Variants in CACNA2D1 observed in about 807,000 individuals in gnomAD.
The protein encoded by CACNA2D1 is calcium voltage-gated channel auxiliary subunit alpha2delta 1, also known as voltage-dependent calcium channel subunit alpha-2/delta-1.
CACNA2D1 carries 53 observed loss-of-function variants against 171.5 expected under a neutral mutation model. The observed-to-expected ratio is 0.31, with a 90% CI of 0.25 to 0.39. CACNA2D1 has a LOEUF of 0.39. Ranked by LOEUF, CACNA2D1 falls within the 10% of genes least tolerant of loss-of-function variation. The pLI is 1.00. For synonymous variants in CACNA2D1, 442 were observed against 443.1 expected, an observed-to-expected ratio of 1.00 and a Z score of 0.03; for missense variants, 903 against 1,299.8, an observed-to-expected ratio of 0.69 and a Z score of 4.69.
intron 28 of CACNA2D1, 32 bp downstream of exon 28, chr7:81,969,849 T>C: frequency 8.0e-7 from 1 of 1,257,130 alleles, no homozygotes; most frequent in Non-Finnish European, 1.2e-6. Context: ...TTTAAAAAAT[T>C]GAGAAAAGCT....
At chr7:82,333,044 T>C (rs570652341) in intron 3 of CACNA2D1, among the ~76,000 whole-genome samples, 1 of 152,230 alleles carries the variant, frequency 6.6e-6, no homozygotes, top group Non-Finnish European at 1.5e-5. Context: ...GCTCCAGCAT[T>C]ATATCTAACA....
At chr7:82,257,928 T>G (rs928943608) in intron 3 of CACNA2D1, among the ~76,000 whole-genome samples, 2 of 152,160 alleles carry the variant, frequency 1.3e-5, no homozygotes, top group Admixed American at 6.5e-5. Context: ...GCATAAACTT[T>G]GAGGCAGGAG....
intron 1 of CACNA2D1, among the ~76,000 whole-genome samples, chr7:82,416,202 G>A (rs544038320): frequency 2.4e-4 from 37 of 152,000 alleles, no homozygotes; most frequent in Admixed American, 4.6e-4. Context: ...GTAACAGCGC[G>A]AGACTCTGTC....
chr7:82,056,254 C>T (rs183592034), intron 10 of CACNA2D1, among the ~76,000 whole-genome samples: 1 of 151,924 alleles, frequency 6.6e-6, no homozygotes. Flanking sequence ...CTCATGGACT[C>T]CTATACAGTT....
At chr7:82,368,800 T>C (rs1439202526) in intron 1 of CACNA2D1, among the ~76,000 whole-genome samples, 2 of 152,146 alleles carry the variant, frequency 1.3e-5, no homozygotes, top group Non-Finnish European at 1.5e-5. Flanking sequence ...GGAGTCTCCA[T>C]AAACTAATCC....
At position 81,974,492 on chromosome 7, in the gene CACNA2D1, GT is replaced by G; in HGVS notation, c.2015del (p.Asn672ThrfsTer18). 6.4e-7 allele frequency: 1 copy of G among 1,572,310 alleles called. No homozygotes were observed. On this transcript the variant is annotated frameshift_variant, in exon 25 of 39. Coordinates refer to ENST00000356860, the MANE Select transcript of CACNA2D1 (RefSeq NM_000722.4). LOFTEE classifies it high-confidence loss of function. The part of the protein sequence containing the change: ...DNNTEFLLNF[N>X]EFIDRKTPNN... ...TTGGAGTTTTTCTATCAATAAACTC[GT>G]TGAAATTTAAAAGAAATTCAGTGTT...
intron 3 of CACNA2D1, among the ~76,000 whole-genome samples, chr7:82,260,194 G>T (rs151230121): frequency 1.4e-3 from 213 of 152,144 alleles, no homozygotes; most frequent in African/African-American, 4.8e-3. Context: ...TGCACTCCAG[G>T]CTGGGTAACA....
chr7:82,102,192 G>C (rs929173974), intron 6 of CACNA2D1, among the ~76,000 whole-genome samples: 1 of 151,844 alleles, frequency 6.6e-6, no homozygotes, highest in African/African-American at 2.4e-5. Context: ...CTATTGTGCA[G>C]CTCCTGAAAA....
intron 1 of CACNA2D1, among the ~76,000 whole-genome samples, chr7:82,367,542 A>C (rs1205260341): frequency 6.6e-6 from 1 of 152,108 alleles, no homozygotes; most frequent in Non-Finnish European, 1.5e-5. Context: ...CAACCATGCA[A>C]TTATTATATT....
At chr7:82,322,201 C>A (rs1340444832) in intron 3 of CACNA2D1, among the ~76,000 whole-genome samples, 1 of 144,464 alleles carries the variant, frequency 6.9e-6, no homozygotes, top group African/African-American at 2.5e-5. Context: ...GAAGCTTAAT[C>A]ACTAAAAATA....
At chr7:82,022,981 A>G (rs1337139663) in intron 12 of CACNA2D1, among the ~76,000 whole-genome samples, 1 of 151,904 alleles carries the variant, frequency 6.6e-6, no homozygotes, top group East Asian at 1.9e-4. Context: ...AGAATTAAAG[A>G]ATCAGAGAAC....
intron 3 of CACNA2D1, among the ~76,000 whole-genome samples, chr7:82,182,073 T>C (rs887668590): frequency 2.6e-5 from 4 of 152,180 alleles, no homozygotes. Flanking sequence ...TTTATAATTC[T>C]CCTTTCCCTT....
chr7:81,963,289 T>A (rs1304162419), intron 34 of CACNA2D1, among the ~76,000 whole-genome samples: 5 of 151,836 alleles, frequency 3.3e-5, no homozygotes, highest in Non-Finnish European at 7.4e-5. Flanking sequence ...TGGGCAAACC[T>A]CAACATCAAA....
At chr7:82,100,814 C>T (rs949004305) in intron 6 of CACNA2D1, among the ~76,000 whole-genome samples, 6 of 144,618 alleles carry the variant, frequency 4.1e-5, no homozygotes, top group Middle Eastern at 6.8e-3. Context: ...AGATTGATTT[C>T]CTGAACTTTT....
At chr7:81,963,255 A>G (rs554373671) in intron 34 of CACNA2D1, among the ~76,000 whole-genome samples, 1 of 152,112 alleles carries the variant, frequency 6.6e-6, no homozygotes, top group East Asian at 1.9e-4. Context: ...TGCTGCTTTA[A>G]TGATATAGTC....
chr7:81,955,811 C>A (rs1793186675), intron 38 of CACNA2D1, among the ~76,000 whole-genome samples: 1 of 143,906 alleles, frequency 6.9e-6, no homozygotes, highest in Non-Finnish European at 1.5e-5. Context: ...ACATAAATAT[C>A]CTAGTTGAGT....
At chr7:82,138,431 G>GTTTTTTTTTTTTTTTTTTTTTT (rs1281649581) in intron 4 of CACNA2D1, among the ~76,000 whole-genome samples, 1 of 74,108 alleles carries the variant, frequency 1.3e-5, no homozygotes, top group African/African-American at 5.8e-5. Flanking sequence ...CATTAGTTTT[G>GTTTTTTTTTTTTTTTTTTTTTT]TTTTTTTTGT....
At chr7:82,158,631 A>C (rs561083453) in intron 4 of CACNA2D1, among the ~76,000 whole-genome samples, 13 of 152,086 alleles carry the variant, frequency 8.5e-5, no homozygotes, top group African/African-American at 2.9e-4. Context: ...TCTTAGGTGA[A>C]TAATTTCAAT....
chr7:82,330,997 G>A (rs554121343), intron 3 of CACNA2D1, among the ~76,000 whole-genome samples: 4 of 152,036 alleles, frequency 2.6e-5, no homozygotes, highest in Admixed American at 6.6e-5. Flanking sequence ...TACTATCTCT[G>A]TCCTGATCTA....
Sources: gnomAD v4.1 joint callset for allele counts (sites outside exome capture counted in the v4.1 genomes callset) on GRCh38, gnomAD v4.1.1 for gene constraint, MANE v1.5 for transcripts, NCBI Gene and HGNC (gene_info 2026-07-23, HGNC 2026-07-21) for gene names.